TG: variants seen among roughly 807,000 people sequenced by gnomAD.
TG encodes the protein thyroid hormones.
A neutral mutation model predicts 324.7 loss-of-function variants in TG; 270 were observed. The observed-to-expected ratio is 0.83, with a 90% CI of 0.75 to 0.92. The LOEUF (loss-of-function observed/expected upper bound fraction) is 0.92, where lower values mean the gene tolerates loss of function less well. TG is among the 40% of genes least tolerant of loss of function. The pLI is 0.00. For missense variants in TG, 3,591 were observed against 3,456.4 expected (o/e 1.04, Z -0.98); for synonymous variants, 1,401 against 1,327.0 (o/e 1.06, Z -1.21).
At chr8:132,900,122 T>A in intron 14 of TG, 115 bp from the exon 15 acceptor site, 1 of 827,878 alleles carries the variant, frequency 1.2e-6, no homozygotes, top group Non-Finnish European at 2.0e-6. Context: ...TCTCTCCGTC[T>A]GGAGAAGCCA....
intron 41 of TG, among the ~76,000 whole-genome samples, chr8:133,041,437 G>A (rs748508159): frequency 3.3e-5 from 5 of 152,252 alleles, no homozygotes; most frequent in Non-Finnish European, 5.9e-5. Flanking sequence ...ACCCACACAG[G>A]TGCCCTTGGA....
chr8:133,108,160 G>A (rs1023725037), intron 43 of TG, among the ~76,000 whole-genome samples: 10 of 149,008 alleles, frequency 6.7e-5, no homozygotes, highest in East Asian at 5.9e-4. Flanking sequence ...TTTTTTTTTC[G>A]TATTTTTAGT....
At chr8:132,996,782 T>G (rs1317043074) in intron 35 of TG, among the ~76,000 whole-genome samples, 1 of 152,118 alleles carries the variant, frequency 6.6e-6, no homozygotes, top group Non-Finnish European at 1.5e-5. Flanking sequence ...TGAGTTGGGT[T>G]TTAAGGGATG....
At chr8:133,107,125 C>T (rs896895968) in intron 43 of TG, among the ~76,000 whole-genome samples, 5 of 152,224 alleles carry the variant, frequency 3.3e-5, no homozygotes, top group African/African-American at 1.2e-4. Flanking sequence ...CTAACATCAA[C>T]CCCATTTTAT....
chr8:132,952,859 C>T (rs1401407799), intron 27 of TG, among the ~76,000 whole-genome samples: 1 of 152,190 alleles, frequency 6.6e-6, no homozygotes. Context: ...TGCATTAGTG[C>T]CATGGCTGGG....
chr8:133,080,282 A>G (rs1175497358), intron 41 of TG, among the ~76,000 whole-genome samples: 1 of 152,200 alleles, frequency 6.6e-6, no homozygotes, highest in Non-Finnish European at 1.5e-5. Context: ...GCCTTTGCGT[A>G]TGTTACGTAT....
intron 41 of TG, among the ~76,000 whole-genome samples, chr8:133,084,683 G>A (rs1846253664): frequency 6.6e-6 from 1 of 152,246 alleles, no homozygotes; most frequent in African/African-American, 2.4e-5. Flanking sequence ...GAACTAAAGA[G>A]ACAAAGCCAA....
At chr8:132,932,849 A>G (rs1397830259) in intron 23 of TG, among the ~76,000 whole-genome samples, 1 of 152,232 alleles carries the variant, frequency 6.6e-6, no homozygotes, top group Non-Finnish European at 1.5e-5. Flanking sequence ...ATAGCCTTGA[A>G]CAAAGTTGTG....
chr8:133,096,482 T>C (rs969893431), intron 43 of TG, 109 bp downstream of exon 43: 19 of 1,311,006 alleles, frequency 1.4e-5, no homozygotes, highest in Non-Finnish European at 2.0e-5. Context: ...GAGTAACTAC[T>C]GTGTGCAATG....
chr8:132,909,028 G>A (rs1819113775), intron 18 of TG, among the ~76,000 whole-genome samples: 1 of 152,222 alleles, frequency 6.6e-6, no homozygotes, highest in African/African-American at 2.4e-5. Flanking sequence ...GCAAATTGGG[G>A]TGTGCATGTT....
At chr8:132,905,620 T>C (rs1170989585) in intron 16 of TG, among the ~76,000 whole-genome samples, 3 of 152,144 alleles carry the variant, frequency 2.0e-5, no homozygotes, top group African/African-American at 7.2e-5. Context: ...ACTTAACTCA[T>C]ATTCATTGAG....
At chr8:133,069,638 AG>A (rs1843650338) in intron 41 of TG, among the ~76,000 whole-genome samples, 1 of 152,130 alleles carries the variant, frequency 6.6e-6, no homozygotes, top group Non-Finnish European at 1.5e-5. Context: ...AGCAGCCAGC[AG>A]GTTTGTTTCT....
intron 39 of TG, 104 bp from the exon 40 acceptor site, chr8:133,021,887 A>T: frequency 6.9e-7 from 1 of 1,439,458 alleles, no homozygotes; most frequent in Non-Finnish European, 9.7e-7. Flanking sequence ...TAAGTATGCC[A>T]CAGAGCTGGC....
intron 35 of TG, among the ~76,000 whole-genome samples, chr8:132,990,843 C>T (rs1234765442): frequency 6.6e-6 from 1 of 151,726 alleles, no homozygotes; most frequent in African/African-American, 2.4e-5. Context: ...AGTCTCCCCG[C>T]GAAGATGGTG....
chr8:133,049,868 T>A, intron 41 of TG: 1 of 1,327,532 alleles, frequency 7.5e-7, no homozygotes, highest in South Asian at 1.2e-5. Flanking sequence ...ATACGCATCA[T>A]GCTTAATTGC....
chr8:132,906,673 C>T lies in TG; in HGVS notation c.3635-15C>T, dbSNP rs372890010. On this transcript the variant is annotated splice_polypyrimidine_tract_variant and intron_variant, in intron 16 of 47. Coordinates refer to ENST00000220616, the MANE Select transcript of TG (RefSeq NM_003235.5). ...TGGGCAGGTGCCCACCACGGCTCCA[C>T]TTTCCTTCTCCCAGGCCCGCGGTGT... The T allele has an allele frequency of 1.8e-5, 29 of 1,613,600 alleles. No individual in the cohort carries two copies. In the African/African-American group the frequency reaches 1.9e-4, roughly 10 times the overall value.
At chr8:133,027,458 C>G (rs1836205886) in intron 40 of TG, among the ~76,000 whole-genome samples, 1 of 151,940 alleles carries the variant, frequency 6.6e-6, no homozygotes, top group Non-Finnish European at 1.5e-5. Context: ...TGTGGTATGA[C>G]TGAGTGAGGT....
At chr8:132,984,970 A>G (rs1831342332) in intron 35 of TG, among the ~76,000 whole-genome samples, 1 of 150,372 alleles carries the variant, frequency 6.7e-6, no homozygotes, top group Non-Finnish European at 1.5e-5. Flanking sequence ...TGAGTTCCCT[A>G]TGTCATCTAT....
chr8:132,891,573 G>T (rs1271623425), intron 10 of TG, among the ~76,000 whole-genome samples: 1 of 152,148 alleles, frequency 6.6e-6, no homozygotes, highest in African/African-American at 2.4e-5. Flanking sequence ...GGGCTCAAGT[G>T]ATCTGTCTGC....
Sources: allele counts gnomAD v4.1 joint callset (sites outside exome capture counted in the v4.1 genomes callset), GRCh38; gene constraint gnomAD v4.1.1; transcripts MANE v1.5; gene names NCBI Gene and HGNC (gene_info 2026-07-23, HGNC 2026-07-21).